ATP8B4: variants seen among roughly 807,000 people sequenced by gnomAD.
ATP8B4 encodes the protein probable phospholipid-transporting ATPase IM.
ATP8B4 carries 133 observed loss-of-function variants against 145.6 expected under a neutral mutation model. The ratio of observed to expected loss-of-function variants is 0.91; its 90% CI spans 0.79 to 1.05. The LOEUF (loss-of-function observed/expected upper bound fraction) is 1.05. Ranked by LOEUF, ATP8B4 falls within the 50% of genes least tolerant of loss-of-function variation. The probability of loss-of-function intolerance (pLI) is 0.00; values close to 1 mark genes in which losing one functional copy is unlikely to be tolerated. For missense variants in ATP8B4, 1,458 were observed against 1,425.2 expected, an observed-to-expected ratio of 1.02 and a Z score of -0.37; for synonymous variants, 507 against 492.9, an observed-to-expected ratio of 1.03 and a Z score of -0.38.
intron 20 of ATP8B4, 56 bp downstream of exon 20, chr15:49,916,878 T>G: frequency 6.6e-7 from 1 of 1,515,104 alleles, no homozygotes; most frequent in Non-Finnish European, 9.1e-7. Flanking sequence ...TCTCTGATCT[T>G]TTTTCCCTCC....
chr15:49,899,365 C>G (rs940480187), intron 21 of ATP8B4, among the ~76,000 whole-genome samples: 1 of 152,180 alleles, frequency 6.6e-6, no homozygotes, highest in Non-Finnish European at 1.5e-5. Flanking sequence ...ATCTCACCCA[C>G]TAGACAGCAA....
intron 12 of ATP8B4, among the ~76,000 whole-genome samples, chr15:49,974,140 C>T (rs989824218): frequency 1.1e-4 from 16 of 142,328 alleles, no homozygotes; most frequent in Non-Finnish European, 1.0e-4. Flanking sequence ...TGGAGTGCAA[C>T]GGCGCAATCT....
chr15:49,942,906 T>C (rs1157894540), intron 14 of ATP8B4, among the ~76,000 whole-genome samples: 2 of 152,070 alleles, frequency 1.3e-5, no homozygotes, highest in Non-Finnish European at 2.9e-5. Context: ...GTATATGAAT[T>C]ACCTGGCAAA....
At chr15:49,931,698 T>C (rs1054053872) in intron 15 of ATP8B4, among the ~76,000 whole-genome samples, 14 of 151,954 alleles carry the variant, frequency 9.2e-5, no homozygotes, top group African/African-American at 3.4e-4. Context: ...GCCTTTGAGG[T>C]AGAGATTATT....
chr15:49,925,806 A>G (rs2040663067), intron 16 of ATP8B4, among the ~76,000 whole-genome samples: 1 of 152,178 alleles, frequency 6.6e-6, no homozygotes, highest in South Asian at 2.1e-4. Flanking sequence ...CTTTAGCAGC[A>G]AGTTTTATAT....
At chr15:50,118,516 C>G (rs966600399) in intron 1 of ATP8B4, among the ~76,000 whole-genome samples, 7 of 152,206 alleles carry the variant, frequency 4.6e-5, no homozygotes, top group African/African-American at 1.7e-4. Context: ...AACAAGACTT[C>G]AGCTTCCAAT....
chr15:50,162,728 G>T (rs140489078), intron 1 of ATP8B4, among the ~76,000 whole-genome samples: 1 of 151,828 alleles, frequency 6.6e-6, no homozygotes, highest in Non-Finnish European at 1.5e-5. Context: ...GGATGGTCTC[G>T]ATCTCCTGAC....
In ATP8B4 at chr15:49,955,179, A is replaced by G. The variant is rs1261389863; in HGVS notation, c.1287+6798T>C. On this transcript the variant is annotated intron_variant, in intron 14 of 27. Transcript: ENST00000284509. ...GCCAGTGGGAATTACTAGAGGTAGCATAGAGAGAGGAGAACAGGAGCTGAA... is the reference window on the plus strand; with the variant it reads ...GCCAGTGGGAATTACTAGAGGTAGCGTAGAGAGAGGAGAACAGGAGCTGAA... Among the ~76,000 whole-genome samples, 7 of 152,308 alleles carry G rather than the reference A, an allele frequency of 4.6e-5. No homozygotes were observed. The East Asian group carries it at 1.4e-3, about 29-fold the overall frequency.
At chr15:50,115,731 C>T (rs565642196) in intron 1 of ATP8B4, among the ~76,000 whole-genome samples, 3 of 152,180 alleles carry the variant, frequency 2.0e-5, no homozygotes, top group African/African-American at 7.2e-5. Context: ...ATTGTCACTG[C>T]CATTCACTGG....
chr15:49,879,423 T>C lies in ATP8B4; in HGVS notation c.2734A>G (p.Ile912Val), dbSNP rs1277594261. 2.5e-6 allele frequency: 4 copies of C among 1,612,836 alleles called. No homozygotes were observed. Among genetic ancestry groups the C allele is most frequent in the Non-Finnish European group, 3.4e-6 (4 of 1,179,402 alleles). ...YDQWFITLFN[I>V]VYTSLPVLAM... ...AAAACAGGCAGTGATGTGTAAACAA[T>C]GTTAAAAAGGGTGATGAACCACTGG... is the stretch of plus-strand genomic sequence containing the variant. The change falls in exon 24 of 28, where the codon ATT (isoleucine) becomes GTT (valine). Residue 912 changes from isoleucine to valine, a missense_variant. Transcript: ENST00000284509.
intron 6 of ATP8B4, among the ~76,000 whole-genome samples, chr15:50,032,310 T>A (rs753876624): frequency 2.0e-5 from 3 of 152,186 alleles, no homozygotes; most frequent in Non-Finnish European, 4.4e-5. Context: ...CTGTGTTAGT[T>A]TGCTGAGAAT....
intron 14 of ATP8B4, among the ~76,000 whole-genome samples, chr15:49,954,749 G>A (rs2153498614): frequency 6.6e-6 from 1 of 152,298 alleles, no homozygotes; most frequent in Non-Finnish European, 1.5e-5. Flanking sequence ...TCCAGCCACT[G>A]TGGAGAGCCA....
chr15:49,953,242 G>C (rs886921755), intron 14 of ATP8B4, among the ~76,000 whole-genome samples: 1 of 152,162 alleles, frequency 6.6e-6, no homozygotes, highest in African/African-American at 2.4e-5. Context: ...CTTGGTGGAA[G>C]GGCTGTGTTT....
intron 14 of ATP8B4, among the ~76,000 whole-genome samples, chr15:49,941,534 T>C (rs1011284923): frequency 2.6e-5 from 4 of 152,098 alleles, no homozygotes; most frequent in African/African-American, 9.7e-5. Flanking sequence ...GTTCCTACAA[T>C]AATGAATAAT....
chr15:50,092,276 A>T (rs905709985), intron 2 of ATP8B4, among the ~76,000 whole-genome samples: 1 of 152,168 alleles, frequency 6.6e-6, no homozygotes, highest in African/African-American at 2.4e-5. Context: ...TGCTACCCAG[A>T]TGTAAAGTAA....
chr15:49,871,516 A>G (rs1438974608), intron 25 of ATP8B4, among the ~76,000 whole-genome samples: 1 of 152,238 alleles, frequency 6.6e-6, no homozygotes, highest in Non-Finnish European at 1.5e-5. Flanking sequence ...AATGCATGGT[A>G]TCACTCATGG....
intron 1 of ATP8B4, among the ~76,000 whole-genome samples, chr15:50,132,801 T>C (rs2044066355): frequency 6.6e-6 from 1 of 152,202 alleles, no homozygotes; most frequent in South Asian, 2.1e-4. Flanking sequence ...TGAGTTCATG[T>C]CCTTTGCAGG....
chr15:50,009,721 A>G, intron 7 of ATP8B4: 1 of 454,580 alleles, frequency 2.2e-6, no homozygotes, highest in Non-Finnish European at 4.4e-6. Flanking sequence ...TGGCTTAAAT[A>G]AAAGTAAATA....
chr15:50,038,599 G>A (rs770776543), intron 6 of ATP8B4, among the ~76,000 whole-genome samples, 169 bp downstream of exon 6: 26 of 152,052 alleles, frequency 1.7e-4, no homozygotes, highest in African/African-American at 4.1e-4. Flanking sequence ...AAGCATTTGC[G>A]GAACATAAAA....
Sources: gnomAD v4.1 joint callset for allele counts (sites outside exome capture counted in the v4.1 genomes callset) on GRCh38, gnomAD v4.1.1 for gene constraint, MANE v1.5 for transcripts, NCBI Gene and HGNC (gene_info 2026-07-23, HGNC 2026-07-21) for gene names.